The following MAGI1 variants were observed in gnomAD, a reference collection of about 807,000 sequenced individuals.
MAGI1 encodes membrane-associated guanylate kinase, WW and PDZ domain-containing protein 1.
In MAGI1, 58 loss-of-function variants were observed where a neutral mutation model predicts 139.9. That is an observed-to-expected ratio of 0.41 (90% CI 0.34 to 0.52). The LOEUF is 0.52. MAGI1 is among the 20% of genes least tolerant of loss of function. MAGI1 has a pLI of 0.12. For missense variants in MAGI1, 1,874 were observed against 1,901.6 expected (o/e 0.99, Z 0.27); for synonymous variants, 812 against 737.9 (o/e 1.10, Z -1.63).
chr3:65,445,777 A>C (rs1948637455), intron 7 of MAGI1, among the ~76,000 whole-genome samples: 1 of 152,216 alleles, frequency 6.6e-6, no homozygotes, highest in Non-Finnish European at 1.5e-5. Flanking sequence ...TTCAGAAATG[A>C]CAACTCTATA....
chr3:65,358,892 C>T (rs1253437768), intron 22 of MAGI1, among the ~76,000 whole-genome samples: 1 of 152,192 alleles, frequency 6.6e-6, no homozygotes, highest in African/African-American at 2.4e-5. Context: ...CTTATGCCTA[C>T]TTTTAAGACA....
intron 1 of MAGI1, among the ~76,000 whole-genome samples, chr3:65,780,203 T>C (rs2038817153): frequency 6.6e-6 from 1 of 152,152 alleles, no homozygotes; most frequent in African/African-American, 2.4e-5. Context: ...TTTGTACTTT[T>C]TGTAGTGACT....
chr3:65,418,965 T>C, intron 12 of MAGI1, among the ~76,000 whole-genome samples: 1 of 152,144 alleles, frequency 6.6e-6, no homozygotes, highest in East Asian at 1.9e-4. Flanking sequence ...TTCTCTTGGG[T>C]TCTGTGATAC....
chr3:65,943,160 G>A (rs575593258), intron 1 of MAGI1, among the ~76,000 whole-genome samples: 5 of 152,170 alleles, frequency 3.3e-5, no homozygotes, highest in South Asian at 4.1e-4. Flanking sequence ...TGCATTCGTC[G>A]TGCCAGATTG....
chr3:65,901,086 C>CT (rs1404685766), intron 1 of MAGI1, among the ~76,000 whole-genome samples: 1 of 152,202 alleles, frequency 6.6e-6, no homozygotes, highest in African/African-American at 2.4e-5. Flanking sequence ...CTTGGGTATG[C>CT]TTCAGATACC....
chr3:65,585,626 G>T (rs1324742473), intron 2 of MAGI1, among the ~76,000 whole-genome samples: 1 of 152,030 alleles, frequency 6.6e-6, no homozygotes, highest in Admixed American at 6.6e-5. Context: ...TATAAAGTTG[G>T]ACATATATGT....
chr3:65,909,897 G>A (rs571737570), intron 1 of MAGI1, among the ~76,000 whole-genome samples: 2 of 152,196 alleles, frequency 1.3e-5, no homozygotes, highest in Admixed American at 6.5e-5. Context: ...GTTTGGGGAC[G>A]AAACTGTCCC....
At chr3:65,470,833 C>A (rs779319665) in intron 4 of MAGI1, among the ~76,000 whole-genome samples, 3 of 152,154 alleles carry the variant, frequency 2.0e-5, no homozygotes, top group Non-Finnish European at 2.9e-5. Context: ...GATGGATCTG[C>A]ACCCTCATTC....
At chr3:65,590,444 A>T (rs2081917857) in intron 2 of MAGI1, among the ~76,000 whole-genome samples, 1 of 152,226 alleles carries the variant, frequency 6.6e-6, no homozygotes, top group South Asian at 2.1e-4. Flanking sequence ...AGAAATCTGA[A>T]TTCACTCGGT....
intron 1 of MAGI1, among the ~76,000 whole-genome samples, chr3:65,978,666 T>C (rs1015759320): frequency 2.7e-5 from 4 of 150,900 alleles, no homozygotes; most frequent in Non-Finnish European, 5.9e-5. Context: ...TTCACTCTTG[T>C]TGCCCAGGCT....
At chr3:65,550,039 T>C (rs2079745980) in intron 2 of MAGI1, among the ~76,000 whole-genome samples, 1 of 152,184 alleles carries the variant, frequency 6.6e-6, no homozygotes. Context: ...CCTGGCACTT[T>C]GGTTAATACA....
At chr3:65,363,118 T>C (rs570414187) in intron 21 of MAGI1, among the ~76,000 whole-genome samples, 17 of 152,284 alleles carry the variant, frequency 1.1e-4, no homozygotes, top group Non-Finnish European at 1.6e-4. Context: ...CATCCCAGGG[T>C]ACCCCAGAAT....
intron 1 of MAGI1, among the ~76,000 whole-genome samples, chr3:65,990,685 A>G (rs2066124698): frequency 6.6e-6 from 1 of 152,212 alleles, no homozygotes; most frequent in Non-Finnish European, 1.5e-5. Context: ...TGACTATAAA[A>G]ACTTAGTCAT....
intron 1 of MAGI1, among the ~76,000 whole-genome samples, chr3:65,985,467 G>C (rs1055654623): frequency 7.9e-5 from 12 of 152,166 alleles, no homozygotes; most frequent in African/African-American, 2.7e-4. Flanking sequence ...AAGCAATTGA[G>C]AAAAGCTGGA....
At chr3:65,905,931 T>G (rs2061417436) in intron 1 of MAGI1, among the ~76,000 whole-genome samples, 1 of 152,096 alleles carries the variant, frequency 6.6e-6, no homozygotes, top group East Asian at 1.9e-4. Context: ...TAAGAAAGAG[T>G]TCTCCAAGTG....
intron 4 of MAGI1, among the ~76,000 whole-genome samples, chr3:65,472,712 G>A (rs568691338): frequency 4.6e-5 from 7 of 152,172 alleles, no homozygotes; most frequent in East Asian, 3.9e-4. Flanking sequence ...CAAATGAGAC[G>A]TGTAGAGAGT....
intron 1 of MAGI1, among the ~76,000 whole-genome samples, chr3:66,004,517 G>A (rs1343684371): frequency 1.3e-5 from 2 of 152,110 alleles, no homozygotes; most frequent in Non-Finnish European, 2.9e-5. Context: ...TTACGGTCCT[G>A]CCTCAAGAGT....
chr3:65,412,815 G>C (rs1575655552), intron 12 of MAGI1, among the ~76,000 whole-genome samples: 1 of 152,120 alleles, frequency 6.6e-6, no homozygotes, highest in Admixed American at 6.5e-5. Flanking sequence ...AGAGAACAAG[G>C]TTCCGCTGTG....
chr3:65,678,934 T>C (rs1401757239), intron 1 of MAGI1, among the ~76,000 whole-genome samples: 1 of 152,198 alleles, frequency 6.6e-6, no homozygotes, highest in African/African-American at 2.4e-5. Flanking sequence ...GACACCCAAA[T>C]AAATAATTAA....
Sources: allele counts gnomAD v4.1 joint callset (sites outside exome capture counted in the v4.1 genomes callset), GRCh38; gene constraint gnomAD v4.1.1; transcripts MANE v1.5; gene names NCBI Gene and HGNC (gene_info 2026-07-23, HGNC 2026-07-21).